FNDC5: variants seen among roughly 807,000 people sequenced by gnomAD.
The protein encoded by FNDC5 is fibronectin type III domain-containing protein 5.
Under a neutral mutation model 24.6 loss-of-function variants are expected in FNDC5, and 10 were observed. The ratio of observed to expected loss-of-function variants is 0.41; its 90% CI spans 0.25 to 0.69. The LOEUF is 0.69. FNDC5 is among the 30% of genes least tolerant of loss of function. The pLI is 0.34. For missense variants in FNDC5, 226 were observed against 282.9 expected, an observed-to-expected ratio of 0.80 and a Z score of 1.44; for synonymous variants, 90 against 110.7, an observed-to-expected ratio of 0.81 and a Z score of 1.18.
chr1:32,871,101 C>G (rs1223064802), upstream of FNDC5: 1 of 151,376 alleles, frequency 6.6e-6, no homozygotes, highest in Non-Finnish European at 1.5e-5. Flanking sequence ...CGCCCTCTCA[C>G]CGAGCGGGAG....
chr1:32,867,100 AAAAC>A (rs747018373), intron 4 of FNDC5, among the ~76,000 whole-genome samples: 7 of 152,142 alleles, frequency 4.6e-5, no homozygotes, highest in South Asian at 2.1e-4. Flanking sequence ...CTCAAAAAAC[AAAAC>A]AAACAAAAAA....
intron 4 of FNDC5, 125 bp from the exon 5 acceptor site, chr1:32,864,922 T>TC: frequency 1.4e-6 from 2 of 1,392,452 alleles, no homozygotes; most frequent in Non-Finnish European, 1.9e-6. Flanking sequence ...TGCAGCACCC[T>TC]CCCTCTGCCC....
Position 32,870,795 on chromosome 1 carries a change from TCCGGCGC to T in FNDC5, c.-56_-50del. ...CCGGGGCGGCGCAGGGGGACGCGGC[TCCGGCGC>T]CCGGCGGCCGCTCGCGCTCGCGCTC... On this transcript the variant is annotated 5_prime_UTR_variant, in exon 1 of 6. Transcript: ENST00000373471. The T allele has an allele frequency of 7.1e-6, 6 of 840,984 alleles. No homozygotes were observed. The highest frequency in any genetic ancestry group is 8.6e-6 in the Non-Finnish European group (6 of 701,602). 52.1% of individuals were successfully genotyped at this position (840,984 alleles called of 1,614,324 possible).
intron 3 of FNDC5, 114 bp from the exon 4 acceptor site, chr1:32,867,956 C>T (rs1641104987): frequency 8.7e-7 from 1 of 1,145,694 alleles, no homozygotes; most frequent in African/African-American, 1.5e-5. Flanking sequence ...ATCTAACATA[C>T]ATTCTAGAAT....
Position 32,864,157 on chromosome 1 carries a change from G to A in FNDC5, c.*137C>T. On this transcript the variant is annotated 3_prime_UTR_variant, in exon 6 of 6. Coordinates refer to ENST00000373471, the MANE Select transcript of FNDC5 (RefSeq NM_153756.3). ...GCCAGAGAGAGGACAGTAAGCCAGA[G>A]GGTACAAGGAGATGGAGGGAAGAGA... is the stretch of plus-strand genomic sequence containing the variant. 1.3e-6 allele frequency: 2 copies of A among 1,583,584 alleles called. No individual in the cohort carries two copies. Among genetic ancestry groups the A allele is most frequent in the Non-Finnish European group, 1.7e-6 (2 of 1,164,496 alleles).
Position 32,868,149 on chromosome 1 carries a change from C to A in FNDC5, c.409+41G>T. On this transcript the variant is annotated intron_variant, in intron 3 of 5. Coordinates refer to ENST00000373471, the MANE Select transcript of FNDC5 (RefSeq NM_153756.3). The surrounding 1 kb of genome is among the most constrained non-coding windows in gnomAD (Gnocchi z 4.8). ...CCCACTGGTCTGGTCCTGACCACCC[C>A]TCACCCCACCCCATTCCTCTTAACA... 6.2e-7 allele frequency: 1 copy of A among 1,606,172 alleles called. No individual in the cohort carries two copies. Among genetic ancestry groups the A allele is most frequent in the Non-Finnish European group, 8.5e-7 (1 of 1,175,320 alleles).
chr1:32,867,112 A>C (rs930194183), intron 4 of FNDC5, among the ~76,000 whole-genome samples: 1 of 152,186 alleles, frequency 6.6e-6, no homozygotes, highest in Non-Finnish European at 1.5e-5. Context: ...AACAAACAAA[A>C]AAAAACTTGG....
In FNDC5 at chr1:32,867,775, G is replaced by A. The variant is rs763891316; in HGVS notation, c.477C>T (p.Val159=). 9.9e-6 allele frequency: 16 copies of A among 1,613,900 alleles called. No homozygotes were observed. The highest frequency in any genetic ancestry group is 1.7e-5 in the Admixed American group (1 of 59,994). ...CACCTGCCCACATGAACAGGACCAC[G>A]ACGATGATCAGCACCTCGCCTGTCC... The change falls in exon 4 of 6, where the codon GTC becomes GTT. Residue 159 remains valine, a synonymous_variant. Coordinates refer to ENST00000373471, the MANE Select transcript of FNDC5 (RefSeq NM_153756.3).
chr1:32,870,044 C>G (rs935121146), intron 1 of FNDC5, among the ~76,000 whole-genome samples: 2 of 152,048 alleles, frequency 1.3e-5, no homozygotes, highest in African/African-American at 4.8e-5. Context: ...GAGAGCGCTC[C>G]CCGAGCCACG....
At position 32,866,650 on chromosome 1, in the gene FNDC5, G is replaced by A. The variant is rs574484979; in HGVS notation, c.499+1103C>T. On this transcript the variant is annotated intron_variant, in intron 4 of 5. Transcript: ENST00000373471. The stretch of plus-strand genomic sequence containing the variant: ...TTCCCTCTCCTCTGCTCTCCTACAT[G>A]GTACTATCATAGCACTCATCACACT... 2.0e-5 allele frequency among the ~76,000 whole-genome samples: 3 copies of A among 151,954 alleles called. No homozygotes were observed. The East Asian group carries it at 5.8e-4, about 29-fold the overall frequency.
intron 5 of FNDC5, 63 bp from the exon 6 acceptor site, chr1:32,864,362 C>T: frequency 6.2e-7 from 1 of 1,601,746 alleles, no homozygotes. Context: ...TCACAAGGCA[C>T]AGCAGGAGCA....
chr1:32,867,667 C>T, intron 4 of FNDC5, 86 bp downstream of exon 4: 1 of 1,356,340 alleles, frequency 7.4e-7, no homozygotes, highest in South Asian at 1.3e-5. Flanking sequence ...ACCCCTTACC[C>T]TTTTTTTCAT....
chr1:32,870,786 G>A lies in FNDC5; in HGVS notation c.-40C>T, dbSNP rs187247333. On this transcript the variant is annotated 5_prime_UTR_variant, in exon 1 of 6. Transcript: ENST00000373471. Reference sequence around the variant, plus strand: ...CCGGCAGGCCCGGGGCGGCGCAGGGGGACGCGGCTCCGGCGCCCGGCGGCC... The same window carrying A: ...CCGGCAGGCCCGGGGCGGCGCAGGGAGACGCGGCTCCGGCGCCCGGCGGCC... 1.3e-3 allele frequency: 1,210 copies of A among 917,560 alleles called. 56 individuals are homozygous for A. The East Asian group carries it at 0.099, about 75-fold the overall frequency. The allele number at this position is 917,560 out of a possible 1,614,324, so 56.8% of individuals were successfully genotyped here.
chr1:32,865,545 G>C (rs1396653010), intron 4 of FNDC5, among the ~76,000 whole-genome samples: 1 of 151,974 alleles, frequency 6.6e-6, no homozygotes, highest in African/African-American at 2.4e-5. Context: ...AGCTACTCAG[G>C]AGGCTGAGGC....
At position 32,870,706 on chromosome 1, in the gene FNDC5, C is replaced by A. The variant is rs1406607263; in HGVS notation, c.41G>T (p.Arg14Leu). 8.4e-7 allele frequency: 1 copy of A among 1,193,714 alleles called. No individual in the cohort carries two copies. The highest frequency in any genetic ancestry group is 1.6e-5 in the African/African-American group (1 of 62,606). The allele number at this position is 1,193,714 out of a possible 1,614,324, so 73.9% of individuals were successfully genotyped here. ...GCCCAGCCACAGGCGGAGCGCGGCG[C>A]GGGCGCGGGGCGGCCAGGCGCTCGG... The change falls in exon 1 of 6, where the codon CGC (arginine) becomes CTC (leucine). Residue 14 changes from arginine (R) to leucine (L), a missense_variant. Transcript: ENST00000373471.
rs138570533 is a variant in FNDC5 at position 32,862,808 on chromosome 1, G to GGA, written c.*1484_*1485dup. On this transcript the variant is annotated 3_prime_UTR_variant, in exon 6 of 6. Transcript: ENST00000373471. ...TTTTTTTAAACCAGAAAGGGGCAGTGGAGAGAGAGACCTGTCACCTCACAC... is the reference window on the plus strand; with the variant it reads ...TTTTTTTAAACCAGAAAGGGGCAGTGGAGAGAGAGAGACCTGTCACCTCACAC... 0.079 allele frequency: 12,087 copies of GGA among 152,492 alleles called. 673 individuals carry two copies. The highest frequency in any genetic ancestry group is 0.16 in the Admixed American group (2,376 of 15,272). 9.4% of individuals were successfully genotyped at this position (152,492 alleles called of 1,614,324 possible). A position where few individuals can be genotyped will look rare whatever the true frequency, so the allele number is the denominator to read the frequency against.
chr1:32,863,940 G>A lies in FNDC5; in HGVS notation c.*354C>T. ...AAGAAAAGAGAAGCCCTGCCTGGAT[G>A]TCTTGTCTTTTTGCCTTTTCAAACC... On this transcript the variant is annotated 3_prime_UTR_variant, in exon 6 of 6. Coordinates refer to ENST00000373471, the MANE Select transcript of FNDC5 (RefSeq NM_153756.3). 7.8e-7 allele frequency: 1 copy of A among 1,275,636 alleles called. No individual in the cohort carries two copies. Among genetic ancestry groups the A allele is most frequent in the Middle Eastern group, 2.8e-4 (1 of 3,636 alleles). 79.0% of individuals were successfully genotyped at this position (1,275,636 alleles called of 1,614,324 possible).
At position 32,864,791 on chromosome 1, in the gene FNDC5, A is replaced by C. The variant is rs772839146; in HGVS notation, c.506T>G (p.Ile169Ser). The C allele has an allele frequency of 2.5e-6, 4 of 1,614,058 alleles. No individual in the cohort carries two copies. The South Asian group carries it at 4.4e-5, about 18-fold the overall frequency. ...GTCATACTGGCGGCAGAAGAGGGCAATGACACCTGAGGGGGGACAAGTGAG... is the reference window on the plus strand; with the variant it reads ...GTCATACTGGCGGCAGAAGAGGGCACTGACACCTGAGGGGGGACAAGTGAG... The change falls in exon 5 of 6, where the codon ATT becomes AGT. Residue 169 changes from isoleucine (I) to serine (S), a missense_variant. Physicochemically the swap from Ile to Ser is moderately radical, Grantham distance 142 (BLOSUM62 -2). Coordinates refer to ENST00000373471, the MANE Select transcript of FNDC5 (RefSeq NM_153756.3).
Position 32,863,922 on chromosome 1 carries a change from G to C in FNDC5, c.*372C>G. The C allele has an allele frequency of 7.9e-7, 1 of 1,272,334 alleles. No individual in the cohort carries two copies. The highest frequency in any genetic ancestry group is 1.0e-6 in the Non-Finnish European group (1 of 983,830). The allele number at this position is 1,272,334 out of a possible 1,614,324, so 78.8% of individuals were successfully genotyped here. A position where few individuals can be genotyped will look rare whatever the true frequency, so the allele number is the denominator to read the frequency against. ...GCTCTTGTCCCTTGTGGAAAGAAAA[G>C]AGAAGCCCTGCCTGGATGTCTTGTC... On this transcript the variant is annotated 3_prime_UTR_variant, in exon 6 of 6. Coordinates refer to ENST00000373471, the MANE Select transcript of FNDC5 (RefSeq NM_153756.3).
Sources: gnomAD v4.1 joint callset for allele counts (sites outside exome capture counted in the v4.1 genomes callset) on GRCh38, gnomAD v4.1.1 for gene constraint, Gnocchi (gnomAD v3.1) non-coding constraint, MANE v1.5 for transcripts, NCBI Gene and HGNC (gene_info 2026-07-23, HGNC 2026-07-21) for gene names.